HECW2: variants seen among roughly 807,000 people sequenced by gnomAD.
HECW2 encodes the protein E3 ubiquitin-protein ligase HECW2.
A neutral mutation model predicts 175.2 loss-of-function variants in HECW2; 61 were observed. The ratio of observed to expected loss-of-function variants is 0.35; its 90% CI spans 0.28 to 0.43. HECW2 has a LOEUF of 0.43. HECW2 is among the 20% of genes least tolerant of loss of function. HECW2 has a pLI of 1.00. For synonymous variants in HECW2, 671 were observed against 731.0 expected (o/e 0.92, Z 1.32); for missense variants, 1,524 against 2,000.5 (o/e 0.76, Z 4.54).
intron 13 of HECW2, among the ~76,000 whole-genome samples, chr2:196,301,305 C>T (rs532888106): frequency 5.3e-5 from 8 of 152,152 alleles, no homozygotes; most frequent in African/African-American, 1.2e-4. Flanking sequence ...GATTCCATGT[C>T]TTTGATATTG....
intron 1 of HECW2, among the ~76,000 whole-genome samples, chr2:196,590,077 C>T (rs754029974): frequency 6.6e-6 from 1 of 152,014 alleles, no homozygotes; most frequent in Non-Finnish European, 1.5e-5. Flanking sequence ...TGAAATAAGG[C>T]AAGACTCAAA....
At chr2:196,435,704 T>C (rs1695848244) in intron 1 of HECW2, among the ~76,000 whole-genome samples, 1 of 152,258 alleles carries the variant, frequency 6.6e-6, no homozygotes, top group Admixed American at 6.5e-5. Context: ...GGATTTCGGT[T>C]ATATCTTTAC....
chr2:196,326,850 T>C (rs909516746), intron 5 of HECW2, among the ~76,000 whole-genome samples: 2 of 152,312 alleles, frequency 1.3e-5, no homozygotes, highest in South Asian at 4.1e-4. Flanking sequence ...CATAATCTCA[T>C]TAGCCGTGCA....
At chr2:196,369,634 C>A (rs1289964092) in intron 2 of HECW2, among the ~76,000 whole-genome samples, 3 of 152,116 alleles carry the variant, frequency 2.0e-5, no homozygotes, top group Non-Finnish European at 4.4e-5. Flanking sequence ...CAGTCCTGGG[C>A]AGGCCTAAAG....
chr2:196,521,662 T>G (rs1482595798), intron 1 of HECW2, among the ~76,000 whole-genome samples: 6 of 133,544 alleles, frequency 4.5e-5, no homozygotes, highest in Admixed American at 8.5e-5. Flanking sequence ...TCCCCAGAGT[T>G]TGATATTCCC....
chr2:196,488,061 G>C (rs955636323), intron 1 of HECW2, among the ~76,000 whole-genome samples: 3 of 152,182 alleles, frequency 2.0e-5, no homozygotes, highest in Non-Finnish European at 4.4e-5. Flanking sequence ...TTTTTAAAAT[G>C]AGAATCTGTA....
At chr2:196,473,571 G>C (rs1575587703) in intron 1 of HECW2, among the ~76,000 whole-genome samples, 1 of 152,082 alleles carries the variant, frequency 6.6e-6, no homozygotes, top group Non-Finnish European at 1.5e-5. Context: ...ATTTTTTTTA[G>C]AGATAATTTA....
At chr2:196,458,649 C>T (rs1001209934) in intron 1 of HECW2, among the ~76,000 whole-genome samples, 3 of 152,034 alleles carry the variant, frequency 2.0e-5, no homozygotes, top group African/African-American at 4.8e-5. Flanking sequence ...GGGTGGATCA[C>T]GAGGTCAAGA....
chr2:196,476,937 C>CCCA (rs1686644596), intron 1 of HECW2, among the ~76,000 whole-genome samples: 1 of 120,826 alleles, frequency 8.3e-6, no homozygotes, highest in Admixed American at 8.7e-5. Context: ...ATGACAAGAC[C>CCCA]CCATCTCCAC....
At chr2:196,213,697 C>T (rs1178638364) in intron 28 of HECW2, among the ~76,000 whole-genome samples, 1 of 152,168 alleles carries the variant, frequency 6.6e-6, no homozygotes, top group East Asian at 1.9e-4. Flanking sequence ...GTGCCTGTTA[C>T]CCAACTGTGT....
intron 2 of HECW2, among the ~76,000 whole-genome samples, chr2:196,369,437 C>T (rs1404498339): frequency 6.6e-6 from 1 of 151,564 alleles, no homozygotes; most frequent in African/African-American, 2.4e-5. Flanking sequence ...CCTGTTGTCA[C>T]CACCACTGGG....
intron 1 of HECW2, among the ~76,000 whole-genome samples, chr2:196,574,994 C>T (rs1289331111): frequency 6.8e-6 from 1 of 147,534 alleles, no homozygotes; most frequent in Non-Finnish European, 1.5e-5. Flanking sequence ...GAAAGGATTG[C>T]TGCTTGAGCC....
intron 1 of HECW2, among the ~76,000 whole-genome samples, chr2:196,523,959 C>T (rs576868593): frequency 7.9e-5 from 12 of 152,000 alleles, no homozygotes; most frequent in East Asian, 5.8e-4. Context: ...TGTCTCTGCC[C>T]GGCTTTGGTA....
chr2:196,366,986 G>GTA (rs1388428085), intron 2 of HECW2, among the ~76,000 whole-genome samples: 2 of 152,054 alleles, frequency 1.3e-5, no homozygotes, highest in African/African-American at 2.4e-5. Context: ...TTTTATCTGT[G>GTA]TATATATATG....
intron 2 of HECW2, among the ~76,000 whole-genome samples, chr2:196,416,167 G>C (rs1226059935): frequency 6.6e-6 from 1 of 152,152 alleles, no homozygotes; most frequent in Non-Finnish European, 1.5e-5. Context: ...ATCAGTTACA[G>C]TTTAGAGAAA....
At chr2:196,204,957 A>G (rs1438352363) in intron 28 of HECW2, among the ~76,000 whole-genome samples, 1 of 152,202 alleles carries the variant, frequency 6.6e-6, no homozygotes, top group Admixed American at 6.5e-5. Flanking sequence ...GTAAATCCAC[A>G]AGCCTAAATA....
intron 10 of HECW2, among the ~76,000 whole-genome samples, chr2:196,315,308 T>C (rs1691653918): frequency 6.6e-6 from 1 of 152,204 alleles, no homozygotes; most frequent in Non-Finnish European, 1.5e-5. Flanking sequence ...TTAGCACAGA[T>C]AAGTGTTTCT....
In HECW2 at chr2:196,225,584, G is replaced by A. The variant is rs183263529; in HGVS notation, c.4016+188C>T. 1.6e-3 allele frequency among the ~76,000 whole-genome samples: 241 copies of A among 152,216 alleles called. 2 individuals are homozygous for A. Among genetic ancestry groups the A allele is most frequent in the African/African-American group, 5.2e-3 (215 of 41,530 alleles). On this transcript the variant is annotated intron_variant, in intron 23 of 28. Coordinates refer to ENST00000644978, the MANE Select transcript of HECW2 (RefSeq NM_001348768.2). ...AAATCTGGGGGCTAAATAGGTCAGA[G>A]GCAGGAAAAACACAGTAATCATATT...
rs371593598 is a variant in HECW2 at position 196,369,032 on chromosome 2, G to C, written c.293-25268C>G. On this transcript the variant is annotated intron_variant, in intron 2 of 28. Transcript: ENST00000644978. ...GTTTTCCTGGGTGGTCTTGATGCTTGTGAATGTTCTTCAGGGTCTGGGCTT... is the reference window on the plus strand; with the variant it reads ...GTTTTCCTGGGTGGTCTTGATGCTTCTGAATGTTCTTCAGGGTCTGGGCTT... Among the ~76,000 whole-genome samples the C allele has an allele frequency of 4.7e-4, 71 of 152,238 alleles. 1 individual carries two copies. The South Asian group carries it at 0.015, about 31-fold the overall frequency.
Sources: gnomAD v4.1 joint callset for allele counts (sites outside exome capture counted in the v4.1 genomes callset) on GRCh38, gnomAD v4.1.1 for gene constraint, MANE v1.5 for transcripts, NCBI Gene and HGNC (gene_info 2026-07-23, HGNC 2026-07-21) for gene names.